The following SEC31A variants were observed in gnomAD, a reference collection of about 807,000 sequenced individuals.
The protein encoded by SEC31A is SEC31 homolog A, COPII component, also known as protein transport protein Sec31A.
Under a neutral mutation model 151.0 loss-of-function variants are expected in SEC31A, and 70 were observed. The observed-to-expected ratio is 0.46, with a 90% CI of 0.38 to 0.57. SEC31A has a LOEUF of 0.57. SEC31A is among the 20% of genes least tolerant of loss of function. The pLI, the probability that SEC31A is intolerant of heterozygous loss-of-function variation, is 0.00. For synonymous variants in SEC31A, 475 were observed against 505.9 expected, an observed-to-expected ratio of 0.94 and a Z score of 0.82; for missense variants, 1,330 against 1,471.2, an observed-to-expected ratio of 0.90 and a Z score of 1.57.
At chr4:82,883,785 C>T (rs998499330) in intron 1 of SEC31A, among the ~76,000 whole-genome samples, 25 of 150,886 alleles carry the variant, frequency 1.7e-4, no homozygotes, top group African/African-American at 5.6e-4. Context: ...GCCGTGATTG[C>T]GCCACTGCAA....
intron 1 of SEC31A, among the ~76,000 whole-genome samples, chr4:82,889,693 T>C (rs1170179115): frequency 1.3e-5 from 2 of 152,214 alleles, no homozygotes; most frequent in Non-Finnish European, 2.9e-5. Flanking sequence ...TACAAATTTA[T>C]TTCTATTCCC....
At chr4:82,866,716 C>A in intron 10 of SEC31A, 92 bp downstream of exon 10, 3 of 1,123,596 alleles carry the variant, frequency 2.7e-6, no homozygotes, top group South Asian at 2.6e-5. Context: ...CCAACTTAAA[C>A]CCTGATTGCT....
In SEC31A at chr4:82,818,509, T is replaced by C. The variant is rs1035505029; in HGVS notation, c.*565A>G. 4.6e-5 allele frequency among the ~76,000 whole-genome samples: 7 copies of C among 152,234 alleles called. No homozygotes were observed. The highest frequency in any genetic ancestry group is 7.2e-5 in the African/African-American group (3 of 41,464). The stretch of plus-strand genomic sequence containing the variant: ...AACAAAAATGTCCAGTCTTTTCCTA[T>C]ATAGTTAAAGCCAGTGATCCCATTT... On this transcript the variant is annotated 3_prime_UTR_variant, in exon 27 of 27. Transcript: ENST00000395310.
At position 82,870,387 on chromosome 4, in the gene SEC31A, C is replaced by G. The variant is rs578096885; in HGVS notation, c.820G>C (p.Glu274Gln). 4.5e-5 allele frequency: 73 copies of G among 1,613,918 alleles called. No individual in the cohort carries two copies. Among genetic ancestry groups the G allele is most frequent in the Admixed American group, 2.8e-4 (17 of 60,000 alleles). The change falls in exon 8 of 27, where the codon GAA becomes CAA. Residue 274 changes from glutamate (E) to glutamine (Q), a missense_variant. By Grantham distance (29) the Glu-to-Gln change is conservative. Transcript: ENST00000395310. The stretch of plus-strand genomic sequence containing the variant: ...TCTTTTCCACAGCTCAGTAACAATT[C>G]AGGATCTGCCATGCTCCAAGCAATT... The part of the protein sequence containing the change: ...LAIAWSMADP[E>Q]LLLSCGKDAK...
intron 3 of SEC31A, 124 bp from the exon 4 acceptor site, chr4:82,879,052 A>T: frequency 4.4e-6 from 3 of 676,654 alleles, no homozygotes; most frequent in Non-Finnish European, 7.6e-6. Context: ...CTTTCCCACC[A>T]CTCCTGGTAA....
intron 1 of SEC31A, among the ~76,000 whole-genome samples, chr4:82,883,248 C>T (rs2125870940): frequency 6.6e-6 from 1 of 152,216 alleles, no homozygotes; most frequent in South Asian, 2.1e-4. Context: ...ACCATAATTA[C>T]CTAGTCTAAT....
At chr4:82,854,789 T>A in intron 17 of SEC31A, 114 bp downstream of exon 17, 4 of 1,108,378 alleles carry the variant, frequency 3.6e-6, no homozygotes, top group Non-Finnish European at 4.9e-6. Context: ...GAATTTTTCT[T>A]TTTTGTGATT....
chr4:82,872,974 G>A (rs916817361), intron 6 of SEC31A, among the ~76,000 whole-genome samples: 5 of 152,156 alleles, frequency 3.3e-5, no homozygotes, highest in Admixed American at 1.3e-4. Flanking sequence ...CAAAGTGTTA[G>A]GATTGAGCTA....
At position 82,821,037 on chromosome 4, in the gene SEC31A, T is replaced by C. The variant is rs769677265; in HGVS notation, c.3483A>G (p.Thr1161=). Residue 1161 remains threonine (T), a splice_region_variant and synonymous_variant, in exon 26 of 27, where the codon ACA becomes ACG. Transcript: ENST00000395310. The part of the protein sequence containing the change: ...EFLYDKLREQ[T]LSPTITSGLH... ...TAAATCCTTTTCCTCCAAAACTTAC[T>C]GTCTGTTCCCTAAGTTTATCATACA... The C allele has an allele frequency of 3.1e-6, 5 of 1,609,806 alleles. No homozygotes were observed. Among genetic ancestry groups the C allele is most frequent in the Admixed American group, 3.3e-5 (2 of 59,924 alleles).
chr4:82,879,856 C>T (rs999898422), intron 3 of SEC31A, among the ~76,000 whole-genome samples: 10 of 152,060 alleles, frequency 6.6e-5, no homozygotes, highest in Non-Finnish European at 2.9e-5. Context: ...TATTAGAAAT[C>T]GTGTCAACAA....
Position 82,824,482 on chromosome 4 carries a change from C to G in SEC31A, c.3411+73G>C, listed in dbSNP as rs748972909. ...GGCCTCCCAAAGTGCTGGGATTACA[C>G]GCATAAGCCACCACACCTGGCCAAG... On this transcript the variant is annotated intron_variant, in intron 25 of 26. Coordinates refer to ENST00000395310, the MANE Select transcript of SEC31A (RefSeq NM_001077207.4). 682 of 1,523,658 alleles carry G rather than the reference C, an allele frequency of 4.5e-4. 2 individuals carry two copies. Among genetic ancestry groups the G allele is most frequent in the Non-Finnish European group, 5.4e-4 (602 of 1,123,862 alleles). The allele number at this position is 1,523,658 out of a possible 1,614,324, so 94.4% of individuals were successfully genotyped here.
chr4:82,881,011 A>G (rs1262899252), intron 2 of SEC31A, 89 bp from the exon 3 acceptor site: 6 of 1,135,132 alleles, frequency 5.3e-6, no homozygotes, highest in African/African-American at 4.7e-5. Context: ...CATGTTTTCC[A>G]TTCTCTTGCT....
chr4:82,851,398 T>A lies in SEC31A; in HGVS notation c.2328+33A>T, dbSNP rs757406210. 8.9e-6 allele frequency: 14 copies of A among 1,581,344 alleles called. 1 individual carries two copies. Among genetic ancestry groups the A allele is most frequent in the Middle Eastern group, 1.7e-4 (1 of 5,952 alleles). ...GTGTTATCTACTGGACTCACCTTACTCAAACATTACAAAAATGGTCAATTC... is the reference window on the plus strand; with the variant it reads ...GTGTTATCTACTGGACTCACCTTACACAAACATTACAAAAATGGTCAATTC... On this transcript the variant is annotated intron_variant, in intron 19 of 26. Coordinates refer to ENST00000395310, the MANE Select transcript of SEC31A (RefSeq NM_001077207.4).
rs1734879011 is a variant in SEC31A at position 82,864,574 on chromosome 4, C to A, written c.1222G>T (p.Glu408Ter). 6.2e-7 allele frequency: 1 copy of A among 1,613,822 alleles called. No individual in the cohort carries two copies. Among genetic ancestry groups the A allele is most frequent in the Admixed American group, 1.7e-5 (1 of 59,992 alleles). ...TGATGAGAAGGCATTCTGACATTCT[C>A]AAACGTAACCAGTTTGCCTCCAAAC... ...FSFGGKLVTF[E>*]NVRMPSHQGA... Residue 408 changes from glutamate to a stop codon, truncating the protein, a stop_gained, in exon 11 of 27, where the codon GAG (glutamate) becomes TAG (stop). Transcript: ENST00000395310. LOFTEE classifies it high-confidence loss of function.
At chr4:82,867,077 G>A (rs1329509175) in intron 9 of SEC31A, 78 bp downstream of exon 9, 15 of 1,546,110 alleles carry the variant, frequency 9.7e-6, no homozygotes, top group Non-Finnish European at 1.3e-5. Context: ...TTGTTAATCA[G>A]TGAAGTCATT....
At position 82,866,972 on chromosome 4, in the gene SEC31A, A is replaced by G. The variant is rs1247486678; in HGVS notation, c.1045-12T>C. ...AAAGATGATGAAAGCTAAAAAAGAT[A>G]ATAATAACATAAGCATCCGACCATA... On this transcript the variant is annotated splice_polypyrimidine_tract_variant and intron_variant, in intron 9 of 26. Coordinates refer to ENST00000395310, the MANE Select transcript of SEC31A (RefSeq NM_001077207.4). The G allele has an allele frequency of 8.1e-6, 13 of 1,604,334 alleles. No homozygotes were observed. Among genetic ancestry groups the G allele is most frequent in the Non-Finnish European group, 1.1e-5 (13 of 1,177,624 alleles).
intron 20 of SEC31A, among the ~76,000 whole-genome samples, chr4:82,847,174 A>T (rs549873761): frequency 1.3e-5 from 2 of 152,188 alleles, no homozygotes; most frequent in Non-Finnish European, 2.9e-5. Flanking sequence ...AACTGTACGC[A>T]GGGTCGGTAC....
chr4:82,853,127 C>T (rs949242082), intron 18 of SEC31A, among the ~76,000 whole-genome samples: 2 of 152,152 alleles, frequency 1.3e-5, no homozygotes, highest in Admixed American at 1.3e-4. Context: ...GGGTTGGGGA[C>T]CTCTGCTACA....
At chr4:82,845,227 G>C (rs1304132315) in intron 20 of SEC31A, 1 of 1,534,582 alleles carries the variant, frequency 6.5e-7, no homozygotes, top group African/African-American at 1.4e-5. Context: ...GAGGCTGCAG[G>C]TGGATGGCTG....
Sources: gnomAD v4.1 joint callset for allele counts (sites outside exome capture counted in the v4.1 genomes callset) on GRCh38, gnomAD v4.1.1 for gene constraint, MANE v1.5 for transcripts, NCBI Gene and HGNC (gene_info 2026-07-23, HGNC 2026-07-21) for gene names.